ANKRD17: variants seen among roughly 807,000 people sequenced by gnomAD.
The protein encoded by ANKRD17 is ankyrin repeat domain 17.
In ANKRD17, 19 loss-of-function variants were observed where a neutral mutation model predicts 229.7. The ratio of observed to expected loss-of-function variants is 0.08; its 90% CI spans 0.06 to 0.12. The LOEUF (loss-of-function observed/expected upper bound fraction) is 0.12. Among genes scored for constraint, ANKRD17 ranks in the 10% least tolerant of loss-of-function variants. ANKRD17 has a pLI of 1.00. For missense variants in ANKRD17, 2,176 were observed against 3,176.8 expected (o/e 0.68, Z 7.57); for synonymous variants, 1,112 against 1,146.1 (o/e 0.97, Z 0.60).
chr4:73,088,244 T>C (rs753316234), intron 29 of ANKRD17, among the ~76,000 whole-genome samples: 1 of 152,022 alleles, frequency 6.6e-6, no homozygotes, highest in South Asian at 2.1e-4. Flanking sequence ...TAGGAAGAAG[T>C]AGAGAGAAGT....
chr4:73,171,186 A>G (rs988651475), intron 2 of ANKRD17, among the ~76,000 whole-genome samples: 7 of 138,580 alleles, frequency 5.1e-5, no homozygotes, highest in African/African-American at 1.9e-4. Context: ...GGGGAGAGAG[A>G]GAGAGAGAGA....
At chr4:73,108,258 A>G (rs1419207555) in intron 24 of ANKRD17, among the ~76,000 whole-genome samples, 1 of 152,188 alleles carries the variant, frequency 6.6e-6, no homozygotes, top group Non-Finnish European at 1.5e-5. Context: ...TCAGGAGTTC[A>G]TATTTGGACA....
intron 5 of ANKRD17, among the ~76,000 whole-genome samples, chr4:73,154,764 G>A (rs1472560044): frequency 6.6e-6 from 1 of 152,090 alleles, no homozygotes; most frequent in African/African-American, 2.4e-5. Flanking sequence ...ATAACGGGCC[G>A]GGCGCGGTGG....
intron 1 of ANKRD17, among the ~76,000 whole-genome samples, chr4:73,216,233 A>G (rs1222663342): frequency 6.6e-6 from 1 of 152,218 alleles, no homozygotes; most frequent in East Asian, 1.9e-4. Flanking sequence ...AAGCATGTTA[A>G]CATGCAATGG....
At position 73,151,519 on chromosome 4, in the gene ANKRD17, A is replaced by G; in HGVS notation, c.1240T>C (p.Leu414=). The G allele has an allele frequency of 6.3e-7, 1 of 1,596,844 alleles. No homozygotes were observed. Among genetic ancestry groups the G allele is most frequent in the Non-Finnish European group, 8.5e-7 (1 of 1,171,524 alleles). The change falls in exon 7 of 34, where the codon TTA becomes CTA. Residue 414 remains leucine (L), a synonymous_variant. Transcript: ENST00000358602. The part of the protein sequence containing the change: ...ALTLACYKGH[L]EMVRFLLEAG... The stretch of plus-strand genomic sequence containing the variant: ...TCCAAAAGAAATCGCACCATCTCTA[A>G]GTGTCCTAAACCAAAAGTGTACAAG...
intron 18 of ANKRD17, among the ~76,000 whole-genome samples, chr4:73,122,062 C>A (rs943182177): frequency 6.6e-6 from 1 of 151,972 alleles, no homozygotes; most frequent in African/African-American, 2.4e-5. Flanking sequence ...CACCACAAAG[C>A]GGTAAAATAG....
chr4:73,225,973 C>T (rs1474067648), intron 1 of ANKRD17, among the ~76,000 whole-genome samples: 3 of 92,554 alleles, frequency 3.2e-5, no homozygotes, highest in Admixed American at 1.4e-4. Context: ...GGCTCTTAAG[C>T]TTTTTTTTTT....
intron 1 of ANKRD17, 131 bp from the exon 2 acceptor site, chr4:73,177,664 C>T (rs1020465673): frequency 3.1e-6 from 2 of 649,064 alleles, no homozygotes; most frequent in East Asian, 5.6e-5. Flanking sequence ...AAACACAGTG[C>T]AACCCTAAAA....
chr4:73,178,532 T>A lies in ANKRD17; in HGVS notation c.394-999A>T, dbSNP rs139644235. 3.2e-4 allele frequency among the ~76,000 whole-genome samples: 48 copies of A among 152,224 alleles called. 1 individual carries two copies. The East Asian group carries it at 6.4e-3, about 20-fold the overall frequency. On this transcript the variant is annotated intron_variant, in intron 1 of 33. Transcript: ENST00000358602. The stretch of plus-strand genomic sequence containing the variant: ...GTAGTGAAGAATACAATCATATCAG[T>A]ACAGTTTGTTTCCATGGCCTTCGGG...
intron 1 of ANKRD17, among the ~76,000 whole-genome samples, chr4:73,251,301 A>G (rs1425433141): frequency 2.0e-5 from 3 of 152,218 alleles, no homozygotes; most frequent in Non-Finnish European, 4.4e-5. Flanking sequence ...CATTATAAAA[A>G]TGATACCTAT....
chr4:73,228,905 T>C (rs912048654), intron 1 of ANKRD17, among the ~76,000 whole-genome samples: 1 of 152,062 alleles, frequency 6.6e-6, no homozygotes, highest in African/African-American at 2.4e-5. Context: ...AATGATAGAC[T>C]GGATTAAGAA....
At position 73,091,258 on chromosome 4, in the gene ANKRD17, G is replaced by T. The variant is rs1454615919; in HGVS notation, c.6370C>A (p.Gln2124Lys). The change falls in exon 29 of 34, where the codon CAG (glutamine) becomes AAG (lysine). Residue 2124 changes from glutamine (Q) to lysine (K), a missense_variant. Transcript: ENST00000358602. ...TCCGGGGGAGGAACCTGAGACTGCT[G>T]AAGAGGTGGTCTTGGTTCCTGAGAA... ...SVSQEPRPPL[Q>K]QSQVPPPEVR... is the part of the protein sequence containing the mutation. 6.2e-7 allele frequency: 1 copy of T among 1,614,222 alleles called. No homozygotes were observed. Among genetic ancestry groups the T allele is most frequent in the East Asian group, 2.2e-5 (1 of 44,882 alleles).
In ANKRD17 at chr4:73,090,787, C is replaced by T. The variant is rs760646730; in HGVS notation, c.6841G>A (p.Glu2281Lys). 6.2e-7 allele frequency: 1 copy of T among 1,614,174 alleles called. No individual in the cohort carries two copies. The highest frequency in any genetic ancestry group is 8.5e-7 in the Non-Finnish European group (1 of 1,180,040). Reference protein sequence around the residue: ...GSVVSSQSTPESMLSGKSSYL... With the variant: ...GSVVSSQSTPKSMLSGKSSYL... ...GAGGATTTTCCTGATAGCATAGATT[C>T]TGGTGTTGACTGAGATGAAACAACA... Residue 2281 changes from glutamate to lysine, a missense_variant, in exon 29 of 34, where the codon GAA becomes AAA. Physicochemically the swap from Glu to Lys is moderately conservative, Grantham distance 56 (BLOSUM62 1). Coordinates refer to ENST00000358602, the MANE Select transcript of ANKRD17 (RefSeq NM_032217.5).
intron 24 of ANKRD17, among the ~76,000 whole-genome samples, chr4:73,108,309 T>C (rs183767724): frequency 6.6e-6 from 1 of 152,290 alleles, no homozygotes; most frequent in African/African-American, 2.4e-5. Flanking sequence ...CAAATGGACA[T>C]GTTGAATAGC....
At position 73,090,884 on chromosome 4, in the gene ANKRD17, G is replaced by A. The variant is rs1271449254; in HGVS notation, c.6744C>T (p.Pro2248=). Residue 2248 remains proline, a synonymous_variant, in exon 29 of 34, where the codon CCC becomes CCT. Transcript: ENST00000358602. The stretch of plus-strand genomic sequence containing the variant: ...ATGTGCTAAAGGGCCCAAATGGTAA[G>A]GGGGCACTGAAATTGGGAGCAATAG... ...NKPIAPNFSA[P]LPFGPFSTLF... 6.2e-7 allele frequency: 1 copy of A among 1,614,126 alleles called. No individual in the cohort carries two copies. The highest frequency in any genetic ancestry group is 8.5e-7 in the Non-Finnish European group (1 of 1,180,062).
At chr4:73,154,453 T>C (rs570763512) in intron 5 of ANKRD17, among the ~76,000 whole-genome samples, 2 of 152,288 alleles carry the variant, frequency 1.3e-5, no homozygotes, top group East Asian at 3.9e-4. Context: ...GTTGTTTTAA[T>C]GTTTATCAGA....
intron 1 of ANKRD17, among the ~76,000 whole-genome samples, chr4:73,199,253 G>A (rs1738322981): frequency 6.6e-6 from 1 of 151,244 alleles, no homozygotes; most frequent in Admixed American, 6.6e-5. Context: ...GTGTGTGTGT[G>A]TGTGTTGGGA....
At chr4:73,083,831 T>C (rs1278764126) in intron 30 of ANKRD17, among the ~76,000 whole-genome samples, 1 of 152,050 alleles carries the variant, frequency 6.6e-6, no homozygotes, top group Admixed American at 6.6e-5. Flanking sequence ...TACTCTGACA[T>C]GTATCTCTAA....
intron 25 of ANKRD17, chr4:73,100,821 AAAAACAAAAC>A (rs768565705): frequency 5.9e-5 from 58 of 983,070 alleles, no homozygotes; most frequent in Non-Finnish European, 6.8e-5. Flanking sequence ...AAGGGAAATT[AAAAACAAAAC>A]AAAACAAAAC....
Sources: gnomAD v4.1 joint callset for allele counts (sites outside exome capture counted in the v4.1 genomes callset) on GRCh38, gnomAD v4.1.1 for gene constraint, MANE v1.5 for transcripts, NCBI Gene and HGNC (gene_info 2026-07-23, HGNC 2026-07-21) for gene names.